The following CHN1 variants were observed in gnomAD, a reference collection of about 807,000 sequenced individuals.
CHN1 encodes N-chimaerin.
Under a neutral mutation model 59.5 loss-of-function variants are expected in CHN1, and 37 were observed. The ratio of observed to expected loss-of-function variants is 0.62; its 90% CI spans 0.48 to 0.82. The LOEUF is 0.82. CHN1 is among the 40% of genes least tolerant of loss of function. The probability of loss-of-function intolerance (pLI) is 0.00; values close to 1 mark genes in which losing one functional copy is unlikely to be tolerated. For synonymous variants in CHN1, 206 were observed against 200.4 expected (o/e 1.03, Z -0.24); for missense variants, 469 against 571.0 (o/e 0.82, Z 1.82).
intron 5 of CHN1, among the ~76,000 whole-genome samples, chr2:174,887,462 CAAAT>C (rs1412729224): frequency 1.3e-5 from 2 of 152,208 alleles, no homozygotes; most frequent in South Asian, 2.1e-4. Context: ...TGTATTAACT[CAAAT>C]AATCCCTCCA....
At chr2:174,878,735 C>A (rs928062426) in intron 5 of CHN1, among the ~76,000 whole-genome samples, 2 of 152,198 alleles carry the variant, frequency 1.3e-5, no homozygotes, top group Non-Finnish European at 2.9e-5. Context: ...TTTAAAGAGT[C>A]ATTATTCTGT....
intron 3 of CHN1, among the ~76,000 whole-genome samples, chr2:174,926,562 A>T (rs1689167766): frequency 1.3e-5 from 2 of 152,138 alleles, no homozygotes; most frequent in South Asian, 4.1e-4. Flanking sequence ...AAAGGACAGA[A>T]CTCCAAGTCA....
rs143640816 is a variant in CHN1, at chr2:174,804,120, TG to T, written c.1103-2309del. On this transcript the variant is annotated intron_variant, in intron 11 of 12. Transcript: ENST00000409900. Reference sequence around the variant, plus strand: ...ATGGGAAAAACAGCAGCATAAGCATTGGAAGTGTTGGGGGCGTTGCAATTTT... The same window carrying T: ...ATGGGAAAAACAGCAGCATAAGCATTGAAGTGTTGGGGGCGTTGCAATTTT... Among the ~76,000 whole-genome samples, 358 of 152,206 alleles carry T rather than the reference TG, an allele frequency of 2.4e-3. 3 individuals are homozygous for T. The highest frequency in any genetic ancestry group is 8.4e-3 in the African/African-American group (348 of 41,528).
intron 8 of CHN1, among the ~76,000 whole-genome samples, chr2:174,820,059 T>TATCA (rs1256981702): frequency 1.3e-5 from 2 of 152,150 alleles, no homozygotes; most frequent in Admixed American, 1.3e-4. Flanking sequence ...TAATCCAGTC[T>TATCA]ATCAATCATT....
intron 1 of CHN1, among the ~76,000 whole-genome samples, chr2:174,987,982 C>T (rs116448683): frequency 6.6e-6 from 1 of 151,956 alleles, no homozygotes; most frequent in African/African-American, 2.4e-5. Flanking sequence ...CCAAAAAAAA[C>T]CCTCCAAAAT....
chr2:174,889,920 T>C (rs1687998554), intron 5 of CHN1, among the ~76,000 whole-genome samples: 1 of 151,746 alleles, frequency 6.6e-6, no homozygotes, highest in African/African-American at 2.4e-5. Flanking sequence ...TGTGTATGTA[T>C]ATATATGAAA....
intron 1 of CHN1, among the ~76,000 whole-genome samples, chr2:174,973,479 AAAGT>A (rs1217824350): frequency 6.6e-6 from 1 of 152,230 alleles, no homozygotes; most frequent in Non-Finnish European, 1.5e-5. Context: ...CTAATGACTG[AAAGT>A]AAGTTCTGGG....
At chr2:174,819,178 C>A (rs1331369590) in intron 8 of CHN1, among the ~76,000 whole-genome samples, 1 of 152,132 alleles carries the variant, frequency 6.6e-6, no homozygotes, top group African/African-American at 2.4e-5. Context: ...GCAAGTCTTA[C>A]CAATTTCTCA....
intron 8 of CHN1, among the ~76,000 whole-genome samples, chr2:174,815,875 C>T (rs1467766870): frequency 2.6e-5 from 4 of 152,134 alleles, no homozygotes; most frequent in South Asian, 2.1e-4. Context: ...ATTTAGAATG[C>T]TCTTTTGTAG....
At chr2:174,853,987 T>C (rs916912287) in intron 6 of CHN1, among the ~76,000 whole-genome samples, 10 of 152,142 alleles carry the variant, frequency 6.6e-5, no homozygotes, top group African/African-American at 1.7e-4. Flanking sequence ...TTGGGTACTA[T>C]GTTCGCTACC....
At chr2:174,842,905 A>G (rs897343973) in intron 7 of CHN1, among the ~76,000 whole-genome samples, 10 of 152,226 alleles carry the variant, frequency 6.6e-5, no homozygotes, top group African/African-American at 1.9e-4. Flanking sequence ...ACAATATCTT[A>G]TATCTTTCAT....
Position 174,877,832 on chromosome 2 carries a change from T to C in CHN1, c.549+8A>G, listed in dbSNP as rs764490591. 3.1e-6 allele frequency: 5 copies of C among 1,602,936 alleles called. No individual in the cohort carries two copies. The highest frequency in any genetic ancestry group is 1.1e-5 in the South Asian group (1 of 88,796). On this transcript the variant is annotated splice_region_variant and intron_variant, in intron 6 of 12. Transcript: ENST00000409900. ...AAAAAGATAAAGTGTGGTTTCATAGTAGCTTACCCTTTTCTCTGACACCCC... is the reference window on the plus strand; with the variant it reads ...AAAAAGATAAAGTGTGGTTTCATAGCAGCTTACCCTTTTCTCTGACACCCC...
chr2:174,862,132 T>C (rs182169429), intron 6 of CHN1, among the ~76,000 whole-genome samples: 173 of 152,290 alleles, frequency 1.1e-3, no homozygotes, highest in African/African-American at 4.0e-3. Flanking sequence ...AAGAAGTATA[T>C]TGTTTTAAAA....
At chr2:174,875,021 G>A (rs1296077661) in intron 6 of CHN1, among the ~76,000 whole-genome samples, 2 of 151,712 alleles carry the variant, frequency 1.3e-5, no homozygotes, top group Non-Finnish European at 2.9e-5. Context: ...TTTCAAGCAA[G>A]TGCCACCACG....
chr2:174,906,442 G>A (rs1688546257), intron 5 of CHN1, among the ~76,000 whole-genome samples: 1 of 152,116 alleles, frequency 6.6e-6, no homozygotes, highest in African/African-American at 2.4e-5. Context: ...GCCTAGGGCT[G>A]GGAGAGCTGA....
In CHN1 at chr2:174,824,612, T is replaced by TTA; in HGVS notation, c.628-95_628-94insTA. On this transcript the variant is annotated intron_variant, in intron 7 of 12. Transcript: ENST00000409900. ...AAAGCACTAATATACAAGCCACATA[T>TTA]TCTATATATATATATATATGAGAGA... The TTA allele has an allele frequency of 7.0e-6, 4 of 571,626 alleles. No homozygotes were observed. The Admixed American group carries it at 9.7e-5, about 14-fold the overall frequency. 35.4% of individuals were successfully genotyped at this position (571,626 alleles called of 1,614,324 possible).
chr2:174,928,743 G>A (rs989004883), intron 3 of CHN1, among the ~76,000 whole-genome samples: 1 of 152,182 alleles, frequency 6.6e-6, no homozygotes, highest in African/African-American at 2.4e-5. Context: ...CAGATAACCT[G>A]AGAAAATGTG....
At chr2:174,947,753 G>A (rs1689890864) in intron 2 of CHN1, among the ~76,000 whole-genome samples, 1 of 151,848 alleles carries the variant, frequency 6.6e-6, no homozygotes, top group Non-Finnish European at 1.5e-5. Context: ...TAAAATGCTG[G>A]GATTACAGGT....
chr2:174,921,244 G>C (rs145875354), intron 3 of CHN1, among the ~76,000 whole-genome samples: 7 of 152,344 alleles, frequency 4.6e-5, no homozygotes, highest in Admixed American at 2.0e-4. Flanking sequence ...TTCTAGGCCA[G>C]TGCCTTTTGT....
Sources: allele counts gnomAD v4.1 joint callset (sites outside exome capture counted in the v4.1 genomes callset), GRCh38; gene constraint gnomAD v4.1.1; transcripts MANE v1.5; gene names NCBI Gene and HGNC (gene_info 2026-07-23, HGNC 2026-07-21).